The following GOLGA4 variants were observed in gnomAD, a reference collection of about 807,000 sequenced individuals.
The protein encoded by GOLGA4 is golgin A4.
GOLGA4 carries 169 observed loss-of-function variants against 265.9 expected under a neutral mutation model. The ratio of observed to expected loss-of-function variants is 0.64; its 90% CI spans 0.56 to 0.72. The LOEUF (loss-of-function observed/expected upper bound fraction) is 0.72, where lower values mean the gene tolerates loss of function less well. Among genes scored for constraint, GOLGA4 ranks in the 30% least tolerant of loss-of-function variants. The probability of loss-of-function intolerance (pLI) is 0.00; values close to 1 mark genes in which losing one functional copy is unlikely to be tolerated. For synonymous variants in GOLGA4, 923 were observed against 855.8 expected (o/e 1.08, Z -1.37); for missense variants, 2,482 against 2,483.4 (o/e 1.00, Z 0.01).
chr3:37,298,958 A>G lies in GOLGA4; in HGVS notation c.940A>G (p.Ser314Gly). ...SHKEQCTLLT[S>G]EKEALQEQLD... Reference sequence around the variant, plus strand: ...TAAGGAACAATGTACACTATTAACTAGTGAAAAAGAAGCTCTGCAAGAACA... The same window carrying G: ...TAAGGAACAATGTACACTATTAACTGGTGAAAAAGAAGCTCTGCAAGAACA... The change falls in exon 8 of 24, where the codon AGT becomes GGT. Residue 314 changes from serine (S) to glycine (G), a missense_variant. This residue lies in a region of GOLGA4 where 1,536 missense variants were observed against 1,483.7 expected (regional missense o/e 1.04). Coordinates refer to ENST00000361924, the MANE Select transcript of GOLGA4 (RefSeq NM_002078.5). 6.2e-7 allele frequency: 1 copy of G among 1,607,282 alleles called. No homozygotes were observed. Among genetic ancestry groups the G allele is most frequent in the Non-Finnish European group, 8.5e-7 (1 of 1,177,934 alleles).
chr3:37,321,726 C>T lies in GOLGA4; in HGVS notation c.1546-5C>T. 1 of 1,592,338 alleles carries T rather than the reference C, an allele frequency of 6.3e-7. No individual in the cohort carries two copies. The highest frequency in any genetic ancestry group is 1.2e-5 in the South Asian group (1 of 86,372). ...TTAAGGTGGTATTAATTATTTTTGG[C>T]ACAGGAAAAGAGTCAATCAGAATAT... On this transcript the variant is annotated splice_polypyrimidine_tract_variant and splice_region_variant and intron_variant, in intron 12 of 23. Coordinates refer to ENST00000361924, the MANE Select transcript of GOLGA4 (RefSeq NM_002078.5).
chr3:37,302,088 G>A, intron 9 of GOLGA4, 97 bp from the exon 10 acceptor site: 1 of 1,020,594 alleles, frequency 9.8e-7, no homozygotes, highest in East Asian at 2.6e-5. Flanking sequence ...CATGCACCAT[G>A]CCCGGCCTTT....
At chr3:37,264,404 A>C (rs1480891098) in intron 2 of GOLGA4, among the ~76,000 whole-genome samples, 1 of 152,212 alleles carries the variant, frequency 6.6e-6, no homozygotes, top group Non-Finnish European at 1.5e-5. Context: ...ATATTTTAGT[A>C]TACTACTAAT....
At position 37,325,358 on chromosome 3, in the gene GOLGA4, G is replaced by A. The variant is rs770853087; in HGVS notation, c.3472G>A (p.Val1158Ile). 1 of 1,613,410 alleles carries A rather than the reference G, an allele frequency of 6.2e-7. No homozygotes were observed. The highest frequency in any genetic ancestry group is 2.2e-5 in the East Asian group (1 of 44,866). Residue 1158 changes from valine to isoleucine, a missense_variant, in exon 14 of 24, where the codon GTT becomes ATT. By Grantham distance (29) the Val-to-Ile change is conservative (BLOSUM62 3). Coordinates refer to ENST00000361924, the MANE Select transcript of GOLGA4 (RefSeq NM_002078.5). ...AAATACTTTTCTTCAAGAGCAGCTA[G>A]TTGAACTGAAGATGCTGGCAGAAGA... ...KENTFLQEQL[V>I]ELKMLAEEDK...
intron 10 of GOLGA4, among the ~76,000 whole-genome samples, chr3:37,309,301 A>G (rs562986821): frequency 1.3e-5 from 2 of 151,670 alleles, no homozygotes; most frequent in East Asian, 3.9e-4. Context: ...CATGCCTGTA[A>G]TGCCAGCACT....
At chr3:37,364,830 A>G (rs564551471) in intron 23 of GOLGA4, among the ~76,000 whole-genome samples, 7 of 151,330 alleles carry the variant, frequency 4.6e-5, no homozygotes, top group Admixed American at 3.3e-4. Context: ...GGGCTCAAGC[A>G]GTCCTCTGAC....
intron 20 of GOLGA4, among the ~76,000 whole-genome samples, chr3:37,343,673 A>G (rs2097046665): frequency 6.6e-6 from 1 of 152,182 alleles, no homozygotes; most frequent in African/African-American, 2.4e-5. Flanking sequence ...TATAGAGTGG[A>G]CCACATTCTT....
intron 2 of GOLGA4, 72 bp from the exon 3 acceptor site, chr3:37,281,886 G>A (rs561777388): frequency 4.3e-5 from 42 of 978,898 alleles, no homozygotes; most frequent in Middle Eastern, 2.2e-4. Context: ...TTAGATTATT[G>A]CTGGTGATGG....
chr3:37,278,084 T>G (rs974325101), intron 2 of GOLGA4, among the ~76,000 whole-genome samples: 8 of 152,200 alleles, frequency 5.3e-5, no homozygotes, highest in Admixed American at 5.2e-4. Context: ...TAAAATAATC[T>G]CACTTTTAAA....
At chr3:37,331,103 T>G (rs2096988755) in intron 16 of GOLGA4, among the ~76,000 whole-genome samples, 1 of 151,366 alleles carries the variant, frequency 6.6e-6, no homozygotes, top group South Asian at 2.1e-4. Context: ...AGTAGCCACA[T>G]TTAAAAAAAA....
At position 37,326,032 on chromosome 3, in the gene GOLGA4, G is replaced by A. The variant is rs747622264; in HGVS notation, c.4146G>A (p.Gln1382=). 1.2e-6 allele frequency: 2 copies of A among 1,613,016 alleles called. No individual in the cohort carries two copies. The highest frequency in any genetic ancestry group is 1.3e-5 in the African/African-American group (1 of 74,898). ...AACAACTAACTGATTTGAATGTTCA[G>A]CTTCAAAATAGCATCAGCCTATCCG... ...LSKQLTDLNV[Q]LQNSISLSEK... The change falls in exon 14 of 24, where the codon CAG becomes CAA. Residue 1382 remains glutamine, a synonymous_variant. Transcript: ENST00000361924.
At chr3:37,303,590 A>G (rs577476701) in intron 10 of GOLGA4, among the ~76,000 whole-genome samples, 3 of 152,214 alleles carry the variant, frequency 2.0e-5, no homozygotes, top group Non-Finnish European at 4.4e-5. Context: ...AGCTTTTCAA[A>G]TGGAATTGAG....
chr3:37,328,942 G>T, intron 15 of GOLGA4, 21 bp from the exon 16 acceptor site: 1 of 1,557,224 alleles, frequency 6.4e-7, no homozygotes, highest in Non-Finnish European at 8.6e-7. Context: ...TTTCTTGTGT[G>T]TGTTCATTTT....
intron 1 of GOLGA4, among the ~76,000 whole-genome samples, chr3:37,247,983 A>G (rs750202499): frequency 5.3e-5 from 8 of 152,184 alleles, no homozygotes; most frequent in Non-Finnish European, 1.2e-4. Context: ...TGATGAACTC[A>G]TGGTCAACTG....
At chr3:37,331,899 A>G (rs1182929980) in intron 16 of GOLGA4, among the ~76,000 whole-genome samples, 5 of 152,294 alleles carry the variant, frequency 3.3e-5, no homozygotes, top group East Asian at 3.9e-4. Context: ...TACCTGACAT[A>G]TAACGGGCTC....
rs1283155185 is a variant in GOLGA4, at chr3:37,326,682, C to T, written c.4796C>T (p.Ala1599Val). The change falls in exon 14 of 24, where the codon GCT becomes GTT. Residue 1599 changes from alanine (A) to valine (V), a missense_variant. This residue lies in a region of GOLGA4 where 942 missense variants were observed against 983.1 expected (regional missense o/e 0.96). Transcript: ENST00000361924. ...GAAAACCAAGTTTATTCCATGAAAG[C>T]TGAACTTGAAACTAAGAAGAAAGAA... is the stretch of plus-strand genomic sequence containing the variant. ...TLENQVYSMK[A>V]ELETKKKELE... 6.2e-7 allele frequency: 1 copy of T among 1,611,890 alleles called. No individual in the cohort carries two copies. Among genetic ancestry groups the T allele is most frequent in the African/African-American group, 1.3e-5 (1 of 74,866 alleles).
Position 37,243,634 on chromosome 3 carries a change from G to A in GOLGA4, c.72+12G>A, listed in dbSNP as rs777596729. The A allele has an allele frequency of 5.6e-6, 9 of 1,605,980 alleles. No homozygotes were observed. In the Admixed American group the frequency reaches 8.3e-5, roughly 15 times the overall value. On this transcript the variant is annotated intron_variant, in intron 1 of 23. Transcript: ENST00000361924. ...TGGCTCCTGCTCAGGTACGATGGCCGCCGCTCTCCTCCCCTGGTTCCGAAT... is the reference window on the plus strand; with the variant it reads ...TGGCTCCTGCTCAGGTACGATGGCCACCGCTCTCCTCCCCTGGTTCCGAAT...
chr3:37,265,421 T>A (rs1452787043), intron 2 of GOLGA4, among the ~76,000 whole-genome samples: 2 of 152,246 alleles, frequency 1.3e-5, no homozygotes, highest in Non-Finnish European at 2.9e-5. Context: ...AAATAAATGA[T>A]TAAAGTTTTT....
intron 2 of GOLGA4, among the ~76,000 whole-genome samples, chr3:37,279,475 A>G (rs1369604606): frequency 6.6e-6 from 1 of 152,234 alleles, no homozygotes; most frequent in Non-Finnish European, 1.5e-5. Context: ...ATACAGTGGC[A>G]CATGTGCAGG....
Sources: gnomAD v4.1 joint callset for allele counts (sites outside exome capture counted in the v4.1 genomes callset) on GRCh38, gnomAD v4.1.1 for gene constraint, gnomAD v4.1.1 regional missense constraint, MANE v1.5 for transcripts, NCBI Gene and HGNC (gene_info 2026-07-23, HGNC 2026-07-21) for gene names.